Variants in GGACT observed in about 807,000 individuals in gnomAD.
GGACT encodes the protein gamma-glutamylamine cyclotransferase.
For missense variants in GGACT, 241 were observed against 233.2 expected (o/e 1.03, Z -0.22); for synonymous variants, 118 against 115.3 (o/e 1.02, Z -0.15).
Position 100,532,122 on chromosome 13 carries a change from C to T in GGACT, c.*8G>A, listed in dbSNP as rs373840929. ...CTCTCAAACCTAGGCCCACCCTGCCCGTCCCCCTTATCTGTTCTCCCGGGG... is the reference window on the plus strand; with the variant it reads ...CTCTCAAACCTAGGCCCACCCTGCCTGTCCCCCTTATCTGTTCTCCCGGGG... On this transcript the variant is annotated 3_prime_UTR_variant, in exon 3 of 3. Transcript: ENST00000683975. The T allele has an allele frequency of 7.1e-5, 102 of 1,437,498 alleles. 1 individual carries two copies. In the East Asian group the frequency reaches 2.1e-3, roughly 29 times the overall value. The allele number at this position is 1,437,498 out of a possible 1,614,324, so 89.0% of individuals were successfully genotyped here. A position where few individuals can be genotyped will look rare whatever the true frequency, so the allele number is the denominator to read the frequency against.
intron 1 of GGACT, chr13:100,587,102 C>A (rs185444872): frequency 6.6e-6 from 1 of 152,386 alleles, no homozygotes; most frequent in Non-Finnish European, 1.5e-5. Flanking sequence ...GTCCCCTCTT[C>A]AAGCATGGCT....
At chr13:100,551,023 G>T (rs949347918) in intron 2 of GGACT, among the ~76,000 whole-genome samples, 1 of 152,160 alleles carries the variant, frequency 6.6e-6, no homozygotes, top group East Asian at 1.9e-4. Flanking sequence ...GGTGGCTCAT[G>T]CCTGTAATTC....
At chr13:100,565,872 A>T (rs9518090) in intron 2 of GGACT, among the ~76,000 whole-genome samples, 66,158 of 151,976 alleles carry the variant, frequency 0.44, 14,909 homozygotes, top group Non-Finnish European at 0.47. Context: ...AGTGACTGAC[A>T]GCCAACAAAC....
At chr13:100,552,949 T>C (rs1458771825) in intron 2 of GGACT, among the ~76,000 whole-genome samples, 1 of 145,650 alleles carries the variant, frequency 6.9e-6, no homozygotes, top group Non-Finnish European at 1.5e-5. Context: ...GTAGAGCCTC[T>C]GGGGATACCC....
chr13:100,584,712 T>C (rs1462582415), intron 1 of GGACT, among the ~76,000 whole-genome samples: 1 of 152,198 alleles, frequency 6.6e-6, no homozygotes, highest in Non-Finnish European at 1.5e-5. Context: ...TTGTATCTCA[T>C]ATACCTTGTA....
At chr13:100,546,081 C>G (rs2088600622) in intron 2 of GGACT, among the ~76,000 whole-genome samples, 1 of 152,180 alleles carries the variant, frequency 6.6e-6, no homozygotes, top group Admixed American at 6.5e-5. Flanking sequence ...AAATAGATGG[C>G]CGGGCACAGT....
chr13:100,547,208 C>T (rs1443271943), intron 2 of GGACT, among the ~76,000 whole-genome samples: 1 of 152,158 alleles, frequency 6.6e-6, no homozygotes, highest in African/African-American at 2.4e-5. Context: ...AGAAGCAGGA[C>T]GTGCAGAGTA....
At chr13:100,564,632 A>G (rs552208492) in intron 2 of GGACT, among the ~76,000 whole-genome samples, 2 of 152,386 alleles carry the variant, frequency 1.3e-5, no homozygotes, top group African/African-American at 4.8e-5. Flanking sequence ...TTGCCTAAAT[A>G]ACGCTGAGTA....
rs1050138604 is a variant in GGACT, at chr13:100,534,059, C to T, written c.-10-1458G>A. On this transcript the variant is annotated intron_variant, in intron 2 of 2. Coordinates refer to ENST00000683975, the MANE Select transcript of GGACT (RefSeq NM_001195087.2). The surrounding 1 kb of genome is among the most constrained non-coding windows in gnomAD (Gnocchi z 4.9). ...GCCACCAATCATGTGGACAAGTGGA[C>T]CCTGAAGAAACTGAAGAAGTCACAC... Among the ~76,000 whole-genome samples the T allele has an allele frequency of 6.6e-6, 1 of 152,176 alleles. No individual in the cohort carries two copies. Among genetic ancestry groups the T allele is most frequent in the Admixed American group, 6.5e-5 (1 of 15,286 alleles).
chr13:100,573,252 G>A (rs986915013), intron 2 of GGACT, among the ~76,000 whole-genome samples: 1 of 152,088 alleles, frequency 6.6e-6, no homozygotes, highest in African/African-American at 2.4e-5. Flanking sequence ...AGCTATATTA[G>A]TCTGGTATTC....
At chr13:100,560,909 T>C (rs146908643) in intron 2 of GGACT, among the ~76,000 whole-genome samples, 3 of 152,194 alleles carry the variant, frequency 2.0e-5, no homozygotes, top group Non-Finnish European at 4.4e-5. Flanking sequence ...ATCTTTGCAA[T>C]TGTGAACATC....
chr13:100,553,246 G>A (rs1373554485), intron 2 of GGACT, among the ~76,000 whole-genome samples: 1 of 152,046 alleles, frequency 6.6e-6, no homozygotes, highest in Non-Finnish European at 1.5e-5. Flanking sequence ...GGAAAGCTGA[G>A]CCTGTGTGTC....
At chr13:100,550,959 C>A (rs958988875) in intron 2 of GGACT, among the ~76,000 whole-genome samples, 1 of 152,140 alleles carries the variant, frequency 6.6e-6, no homozygotes, top group Non-Finnish European at 1.5e-5. Flanking sequence ...AAAGTTTTAT[C>A]ATTTCTCTCA....
In GGACT at chr13:100,532,341, C is replaced by T. The variant is rs1258153128; in HGVS notation, c.251G>A (p.Cys84Tyr). 6.4e-7 allele frequency: 1 copy of T among 1,550,550 alleles called. No homozygotes were observed. The highest frequency in any genetic ancestry group is 2.4e-5 in the East Asian group (1 of 40,896). ...CACCGTGCGCTGGTACAGGGCCGGG[C>T]AACTCTCGAAGTCATCCAGAAAGCG... ...MLRFLDDFES[C>Y]PALYQRTVLR... Residue 84 changes from cysteine (C) to tyrosine (Y), a missense_variant, in exon 3 of 3, where the codon TGC becomes TAC. Physicochemically the swap from Cys to Tyr is radical, Grantham distance 194 (BLOSUM62 -2). Coordinates refer to ENST00000683975, the MANE Select transcript of GGACT (RefSeq NM_001195087.2).
At chr13:100,565,321 A>G (rs1214523602) in intron 2 of GGACT, among the ~76,000 whole-genome samples, 1 of 152,216 alleles carries the variant, frequency 6.6e-6, no homozygotes, top group Non-Finnish European at 1.5e-5. Context: ...ATTAGTTGGT[A>G]TTTTAAAGCC....
chr13:100,543,383 T>G (rs1383815293), intron 2 of GGACT, among the ~76,000 whole-genome samples: 1 of 151,762 alleles, frequency 6.6e-6, no homozygotes, highest in Non-Finnish European at 1.5e-5. Flanking sequence ...AATTTTTGTA[T>G]TTTTAGTAGA....
chr13:100,577,450 T>A (rs879818730), intron 2 of GGACT, among the ~76,000 whole-genome samples: 3 of 148,500 alleles, frequency 2.0e-5, no homozygotes, highest in Non-Finnish European at 4.5e-5. Context: ...AATAAATAAA[T>A]AAAAAGAAAA....
At chr13:100,587,887 G>T (rs1234096559) in intron 1 of GGACT, among the ~76,000 whole-genome samples, 1 of 152,166 alleles carries the variant, frequency 6.6e-6, no homozygotes, top group Admixed American at 6.5e-5. Flanking sequence ...TAAGCTGGGC[G>T]TGATAGCAGG....
intron 2 of GGACT, among the ~76,000 whole-genome samples, chr13:100,565,645 C>G (rs1303803160): frequency 6.6e-6 from 1 of 152,152 alleles, no homozygotes; most frequent in African/African-American, 2.4e-5. Context: ...TCTTCTTCCC[C>G]ACTCAATTCT....
Sources: allele counts gnomAD v4.1 joint callset (sites outside exome capture counted in the v4.1 genomes callset), GRCh38; gene constraint gnomAD v4.1.1; non-coding constraint Gnocchi (gnomAD v3.1); transcripts MANE v1.5; gene names NCBI Gene and HGNC (gene_info 2026-07-23, HGNC 2026-07-21).